The following TENM4 variants were observed in gnomAD, a reference collection of about 807,000 sequenced individuals.
The protein encoded by TENM4 is teneurin transmembrane protein 4, also known as teneurin-4.
A neutral mutation model predicts 243.3 loss-of-function variants in TENM4; 82 were observed. The ratio of observed to expected loss-of-function variants is 0.34; its 90% CI spans 0.28 to 0.40. The LOEUF (loss-of-function observed/expected upper bound fraction) is 0.40. Among genes scored for constraint, TENM4 ranks in the 10% least tolerant of loss-of-function variants. TENM4 has a pLI of 1.00. For synonymous variants in TENM4, 1,412 were observed against 1,456.3 expected (o/e 0.97, Z 0.69); for missense variants, 3,138 against 3,673.3 (o/e 0.85, Z 3.77).
At chr11:79,213,351 A>G (rs1863988030) in intron 3 of TENM4, among the ~76,000 whole-genome samples, 1 of 152,168 alleles carries the variant, frequency 6.6e-6, no homozygotes, top group South Asian at 2.1e-4. Flanking sequence ...GGGGCCAACA[A>G]AGTAGGTCCC....
rs1345771824 is a variant in TENM4 at position 78,703,668 on chromosome 11, C to T, written c.4210-1265G>A. Among the ~76,000 whole-genome samples, 3 of 152,022 alleles carry T rather than the reference C, an allele frequency of 2.0e-5. No individual in the cohort carries two copies. In the East Asian group the frequency reaches 5.8e-4, roughly 29 times the overall value. ...AAGGGGAACCCTTTGCCACCTGTGT[C>T]TCTAGGAGGTCCAGCCATGTTTTGT... On this transcript the variant is annotated intron_variant, in intron 27 of 33. Transcript: ENST00000278550.
intron 4 of TENM4, among the ~76,000 whole-genome samples, chr11:79,107,488 C>A (rs1861401226): frequency 6.6e-6 from 1 of 152,186 alleles, no homozygotes; most frequent in Non-Finnish European, 1.5e-5. Context: ...CCAGTCTTAT[C>A]CTTCAAGACT....
intron 2 of TENM4, among the ~76,000 whole-genome samples, chr11:79,295,526 C>T (rs1461478415): frequency 6.6e-6 from 1 of 152,206 alleles, no homozygotes; most frequent in Non-Finnish European, 1.5e-5. Flanking sequence ...CGCAACAACT[C>T]AAGACATGGG....
intron 1 of TENM4, among the ~76,000 whole-genome samples, chr11:79,371,851 T>C (rs1857794170): frequency 6.6e-6 from 1 of 152,196 alleles, no homozygotes; most frequent in Non-Finnish European, 1.5e-5. Flanking sequence ...GACTTTATTT[T>C]ACTTCCTGAG....
intron 3 of TENM4, among the ~76,000 whole-genome samples, chr11:79,182,171 C>T (rs1863295757): frequency 6.6e-6 from 1 of 152,162 alleles, no homozygotes; most frequent in Admixed American, 6.5e-5. Flanking sequence ...AGAGGACTGA[C>T]ATTACTGAAC....
intron 12 of TENM4, among the ~76,000 whole-genome samples, chr11:78,844,375 G>T (rs1212825816): frequency 2.0e-5 from 3 of 152,192 alleles, no homozygotes; most frequent in Admixed American, 2.0e-4. Flanking sequence ...CGGGTGCGGT[G>T]GCTCATGCCT....
intron 6 of TENM4, among the ~76,000 whole-genome samples, chr11:79,062,294 A>T (rs1860112547): frequency 6.6e-6 from 1 of 152,140 alleles, no homozygotes; most frequent in South Asian, 2.1e-4. Context: ...TGTTATTATT[A>T]TCATTTTCCT....
intron 3 of TENM4, among the ~76,000 whole-genome samples, chr11:79,154,298 G>A (rs1205836551): frequency 6.6e-6 from 1 of 152,026 alleles, no homozygotes; most frequent in Admixed American, 6.5e-5. Flanking sequence ...GTGAGAGAGA[G>A]AGAGGAGGTG....
At chr11:79,283,106 T>C (rs151269699) in intron 2 of TENM4, among the ~76,000 whole-genome samples, 2 of 152,196 alleles carry the variant, frequency 1.3e-5, no homozygotes, top group African/African-American at 2.4e-5. Context: ...ACAAATTCTT[T>C]ATAAAACTCT....
At chr11:78,770,905 G>A (rs1833642569) in intron 18 of TENM4, 87 bp downstream of exon 18, 1 of 1,498,366 alleles carries the variant, frequency 6.7e-7, no homozygotes, top group East Asian at 2.5e-5. Flanking sequence ...GTGTGTTGGT[G>A]GCCTGTTAGC....
chr11:78,863,036 G>A lies in TENM4; in HGVS notation c.1181C>T (p.Thr394Ile). Residue 394 changes from threonine to isoleucine, a missense_variant, in exon 10 of 34, where the codon ACC (threonine) becomes ATC (isoleucine). This residue lies in a region of TENM4 where 671 missense variants were observed against 614.1 expected (regional missense o/e 1.09). Transcript: ENST00000278550. ...EDTASSWPVP[T>I]DVSLYPSGGT... is the part of the protein sequence containing the mutation. ...CCCTGAGGGGTATAGGGAGACGTCGGTTGGCACAGGCCAACTGCTGGCTGT... is the reference window on the plus strand; with the variant it reads ...CCCTGAGGGGTATAGGGAGACGTCGATTGGCACAGGCCAACTGCTGGCTGT... 3 of 1,537,012 alleles carry A rather than the reference G, an allele frequency of 2.0e-6. 1 individual carries two copies. The highest frequency in any genetic ancestry group is 2.5e-5 in the East Asian group (1 of 40,622).
chr11:79,262,330 C>T (rs1030392215), intron 2 of TENM4, among the ~76,000 whole-genome samples: 1 of 152,200 alleles, frequency 6.6e-6, no homozygotes, highest in African/African-American at 2.4e-5. Context: ...CTTTCACAGG[C>T]TCTATTCACA....
chr11:78,982,237 T>G (rs1195549759), intron 6 of TENM4, among the ~76,000 whole-genome samples: 1 of 152,096 alleles, frequency 6.6e-6, no homozygotes, highest in Admixed American at 6.6e-5. Context: ...TGGGACCCAG[T>G]GGTGAGTGAG....
chr11:79,225,724 C>T (rs1864250857), intron 2 of TENM4, among the ~76,000 whole-genome samples: 1 of 152,194 alleles, frequency 6.6e-6, no homozygotes, highest in Non-Finnish European at 1.5e-5. Context: ...AGCAATCCAC[C>T]TGTCTCGGCC....
intron 16 of TENM4, among the ~76,000 whole-genome samples, chr11:78,784,981 T>A (rs1856905380): frequency 6.6e-6 from 1 of 152,042 alleles, no homozygotes; most frequent in African/African-American, 2.4e-5. Context: ...TAAGATGAGC[T>A]GAGGACTCTG....
chr11:79,289,914 T>C (rs1856324733), intron 2 of TENM4, among the ~76,000 whole-genome samples: 1 of 152,178 alleles, frequency 6.6e-6, no homozygotes, highest in African/African-American at 2.4e-5. Context: ...TTTCTTCTCT[T>C]TTGCCTAGGT....
At chr11:78,872,120 G>A (rs1329223599) in intron 9 of TENM4, among the ~76,000 whole-genome samples, 1 of 152,052 alleles carries the variant, frequency 6.6e-6, no homozygotes, top group African/African-American at 2.4e-5. Flanking sequence ...CAATTGTACC[G>A]TTCAACATAG....
intron 6 of TENM4, among the ~76,000 whole-genome samples, chr11:79,014,002 T>A (rs1402379983): frequency 6.6e-6 from 1 of 152,212 alleles, no homozygotes; most frequent in Admixed American, 6.5e-5. Flanking sequence ...ACTTTTTGAC[T>A]ACCTAACAAA....
chr11:78,831,910 C>CA (rs992792625), intron 12 of TENM4, among the ~76,000 whole-genome samples: 7 of 152,202 alleles, frequency 4.6e-5, no homozygotes, highest in African/African-American at 1.7e-4. Flanking sequence ...ATTCGAACCC[C>CA]AAGCCAGTCA....
Sources: gnomAD v4.1 joint callset for allele counts (sites outside exome capture counted in the v4.1 genomes callset) on GRCh38, gnomAD v4.1.1 for gene constraint, gnomAD v4.1.1 regional missense constraint, MANE v1.5 for transcripts, NCBI Gene and HGNC (gene_info 2026-07-23, HGNC 2026-07-21) for gene names.